The following DYNC1I1 variants were observed in gnomAD, a reference collection of about 807,000 sequenced individuals.
DYNC1I1 encodes the protein dynein cytoplasmic 1 intermediate chain 1.
Under a neutral mutation model 86.6 loss-of-function variants are expected in DYNC1I1, and 43 were observed. The observed-to-expected ratio is 0.50, with a 90% confidence interval of 0.39 to 0.64. The LOEUF (loss-of-function observed/expected upper bound fraction) is 0.64. DYNC1I1 is among the 30% of genes least tolerant of loss of function. The pLI is 0.00. For missense variants in DYNC1I1, 604 were observed against 788.8 expected, an observed-to-expected ratio of 0.77 and a Z score of 2.81; for synonymous variants, 262 against 283.7, an observed-to-expected ratio of 0.92 and a Z score of 0.77.
chr7:95,848,841 C>G (rs979090695), intron 5 of DYNC1I1, among the ~76,000 whole-genome samples: 1 of 152,108 alleles, frequency 6.6e-6, no homozygotes, highest in Non-Finnish European at 1.5e-5. Context: ...TACATTACCA[C>G]CAACTGTGTG....
intron 16 of DYNC1I1, among the ~76,000 whole-genome samples, chr7:96,087,350 T>C (rs77779386): frequency 0.033 from 5,056 of 152,276 alleles, 243 homozygotes; most frequent in East Asian, 0.23. Context: ...TATGAAGGCC[T>C]TTGTCCCCTG....
intron 6 of DYNC1I1, among the ~76,000 whole-genome samples, chr7:95,878,539 G>A (rs1790368278): frequency 6.6e-6 from 1 of 152,114 alleles, no homozygotes; most frequent in Admixed American, 6.5e-5. Context: ...GTCTGAAGAT[G>A]AGAAAGGATA....
chr7:95,983,623 A>G lies in DYNC1I1; in HGVS notation c.581-1192A>G, dbSNP rs1793510487. On this transcript the variant is annotated intron_variant, in intron 7 of 16. Coordinates refer to ENST00000447467, the MANE Select transcript of DYNC1I1 (RefSeq NM_001135556.2). The stretch of plus-strand genomic sequence containing the variant: ...CTACAGATTTCTTAGGCTTCAAGAT[A>G]CAATTAGTCCAATTATGTAACACTT... Among the ~76,000 whole-genome samples, 3 of 152,168 alleles carry G rather than the reference A, an allele frequency of 2.0e-5. 1 individual carries two copies. In the South Asian group the frequency reaches 6.2e-4, roughly 31 times the overall value.
intron 4 of DYNC1I1, among the ~76,000 whole-genome samples, chr7:95,826,520 A>G (rs531315394): frequency 2.7e-4 from 41 of 152,350 alleles, no homozygotes; most frequent in African/African-American, 9.1e-4. Context: ...ATCGTATTAT[A>G]TAAGCACATA....
intron 6 of DYNC1I1, among the ~76,000 whole-genome samples, chr7:95,969,370 G>T (rs1255441307): frequency 6.6e-6 from 1 of 152,132 alleles, no homozygotes; most frequent in African/African-American, 2.4e-5. Flanking sequence ...ATTAAGTTAG[G>T]GTCAGATGGT....
intron 2 of DYNC1I1, 52 bp from the exon 3 acceptor site, chr7:95,810,340 A>G: frequency 6.8e-7 from 1 of 1,474,802 alleles, no homozygotes. Flanking sequence ...CAGCCAGGAA[A>G]AGCATACATT....
rs567144578 is a variant in DYNC1I1 at position 95,926,815 on chromosome 7, A to G, written c.491-50697A>G. 1.1e-4 allele frequency among the ~76,000 whole-genome samples: 16 copies of G among 152,242 alleles called. No individual in the cohort carries two copies. The South Asian group carries it at 3.3e-3, about 32-fold the overall frequency. ...GTTGACCTTGTTCTTTTATAATCAT[A>G]ATGATCCACCTGCCCTCTCCTGAGA... On this transcript the variant is annotated intron_variant, in intron 6 of 16. Transcript: ENST00000447467.
chr7:95,797,144 C>T (rs1009967071), intron 1 of DYNC1I1, among the ~76,000 whole-genome samples: 1 of 152,158 alleles, frequency 6.6e-6, no homozygotes, highest in Non-Finnish European at 1.5e-5. Flanking sequence ...GCAAAGCCTT[C>T]TGCTACCAAC....
intron 5 of DYNC1I1, among the ~76,000 whole-genome samples, chr7:95,866,177 C>A (rs1209952505): frequency 6.6e-6 from 1 of 152,176 alleles, no homozygotes; most frequent in Admixed American, 6.5e-5. Context: ...AAGGACGACA[C>A]CTTCTGGTCA....
At chr7:96,031,370 T>C (rs770815711) in intron 11 of DYNC1I1, among the ~76,000 whole-genome samples, 31 of 152,142 alleles carry the variant, frequency 2.0e-4, no homozygotes, top group Non-Finnish European at 4.1e-4. Context: ...GGAACAACTA[T>C]CTATAAATAT....
intron 14 of DYNC1I1, among the ~76,000 whole-genome samples, chr7:96,072,775 GA>G (rs1219269975): frequency 6.6e-6 from 1 of 152,006 alleles, no homozygotes; most frequent in Non-Finnish European, 1.5e-5. Context: ...ACTTCTTTAT[GA>G]AAATTTTAAT....
chr7:95,902,860 C>T (rs996959518), intron 6 of DYNC1I1, among the ~76,000 whole-genome samples: 3 of 152,114 alleles, frequency 2.0e-5, no homozygotes, highest in African/African-American at 7.2e-5. Context: ...AACAATGGCC[C>T]AGCTTATTTC....
rs73708443 is a variant in DYNC1I1, at chr7:95,980,587, G to A, written c.580+2986G>A. Reference sequence around the variant, plus strand: ...TGGAGTGAAAAGGAAGAAAAAGGTGGTGAGGGGGACATGGGGAAAATAATC... The same window carrying A: ...TGGAGTGAAAAGGAAGAAAAAGGTGATGAGGGGGACATGGGGAAAATAATC... On this transcript the variant is annotated intron_variant, in intron 7 of 16. Coordinates refer to ENST00000447467, the MANE Select transcript of DYNC1I1 (RefSeq NM_001135556.2). Among the ~76,000 whole-genome samples the A allele has an allele frequency of 3.6e-3, 522 of 145,806 alleles. 1 individual carries two copies. Among genetic ancestry groups the A allele is most frequent in the African/African-American group, 0.013 (495 of 38,870 alleles).
chr7:96,093,764 G>GT (rs367647086), intron 16 of DYNC1I1, among the ~76,000 whole-genome samples: 184 of 145,332 alleles, frequency 1.3e-3, no homozygotes, highest in Non-Finnish European at 1.1e-3. Flanking sequence ...AATTTTTGAA[G>GT]TTTTTTTTTT....
At chr7:95,885,376 C>T (rs1424554656) in intron 6 of DYNC1I1, among the ~76,000 whole-genome samples, 1 of 152,122 alleles carries the variant, frequency 6.6e-6, no homozygotes, top group African/African-American at 2.4e-5. Flanking sequence ...GGGGTTTTCC[C>T]ATGTTGGCCA....
At chr7:96,055,192 A>C (rs1212283706) in intron 14 of DYNC1I1, among the ~76,000 whole-genome samples, 1 of 152,070 alleles carries the variant, frequency 6.6e-6, no homozygotes, top group Non-Finnish European at 1.5e-5. Flanking sequence ...ATGGCTAGCT[A>C]GTTTTCCCAA....
In DYNC1I1 at chr7:96,028,331, A is replaced by G. The variant is rs751344917; in HGVS notation, c.1116+10A>G. On this transcript the variant is annotated intron_variant, in intron 11 of 16. Coordinates refer to ENST00000447467, the MANE Select transcript of DYNC1I1 (RefSeq NM_001135556.2). ...AGCTGCTGCACACACGGTAATGCAA[A>G]CTTTTGCCATATCCCTGTGAGCCGC... 6.3e-7 allele frequency: 1 copy of G among 1,587,864 alleles called. No homozygotes were observed.
In DYNC1I1 at chr7:95,988,990, T is replaced by C. The variant is rs377442175; in HGVS notation, c.843+1835T>C. Among the ~76,000 whole-genome samples, 4 of 152,192 alleles carry C rather than the reference T, an allele frequency of 2.6e-5. No individual in the cohort carries two copies. In the East Asian group the frequency reaches 7.7e-4, roughly 29 times the overall value. On this transcript the variant is annotated intron_variant, in intron 9 of 16. Coordinates refer to ENST00000447467, the MANE Select transcript of DYNC1I1 (RefSeq NM_001135556.2). Reference sequence around the variant, plus strand: ...AAGTATTTTAGCATCCCGTGGCATATGCTCTTAACCACTGCCTCTCACAAA... The same window carrying C: ...AAGTATTTTAGCATCCCGTGGCATACGCTCTTAACCACTGCCTCTCACAAA...
chr7:95,986,655 A>T (rs753962388), intron 8 of DYNC1I1, among the ~76,000 whole-genome samples: 3 of 152,070 alleles, frequency 2.0e-5, no homozygotes, highest in Non-Finnish European at 4.4e-5. Context: ...AGGACAAATA[A>T]GGTAGTATCG....
Sources: allele counts gnomAD v4.1 joint callset (sites outside exome capture counted in the v4.1 genomes callset), GRCh38; gene constraint gnomAD v4.1.1; transcripts MANE v1.5; gene names NCBI Gene and HGNC (gene_info 2026-07-23, HGNC 2026-07-21).